The following NRG3 variants were observed in gnomAD, a reference collection of about 807,000 sequenced individuals.
The protein encoded by NRG3 is neuregulin 3, also known as pro-neuregulin-3, membrane-bound isoform.
NRG3 carries 31 observed loss-of-function variants against 66.9 expected under a neutral mutation model. That is an observed-to-expected ratio of 0.46 (90% confidence interval 0.35 to 0.63). The LOEUF is 0.63. Ranked by LOEUF, NRG3 falls within the 20% of genes least tolerant of loss-of-function variation. NRG3 has a pLI of 0.00. For synonymous variants in NRG3, 393 were observed against 359.4 expected (o/e 1.09, Z -1.06); for missense variants, 910 against 878.9 (o/e 1.04, Z -0.45).
intron 1 of NRG3, among the ~76,000 whole-genome samples, chr10:82,286,820 T>C (rs1180140179): frequency 6.6e-6 from 1 of 152,148 alleles, no homozygotes; most frequent in African/African-American, 2.4e-5. Context: ...ACTCCTGACC[T>C]CGTGATCTGC....
intron 2 of NRG3, among the ~76,000 whole-genome samples, chr10:82,638,809 G>A (rs2050371844): frequency 6.6e-6 from 1 of 152,106 alleles, no homozygotes; most frequent in African/African-American, 2.4e-5. Flanking sequence ...ACCATGCCCA[G>A]CTAATTTGTG....
At chr10:82,851,426 A>G (rs761912208) in intron 3 of NRG3, among the ~76,000 whole-genome samples, 1 of 152,152 alleles carries the variant, frequency 6.6e-6, no homozygotes, top group Non-Finnish European at 1.5e-5. Flanking sequence ...AGCAGCATGC[A>G]TATTTATTGC....
chr10:82,213,555 T>G (rs977931967), intron 1 of NRG3, among the ~76,000 whole-genome samples: 4 of 152,186 alleles, frequency 2.6e-5, no homozygotes, highest in African/African-American at 9.6e-5. Flanking sequence ...ACACTTGTAC[T>G]CTGAAGCATG....
chr10:82,964,913 G>A (rs953863177), intron 6 of NRG3, among the ~76,000 whole-genome samples: 3 of 152,206 alleles, frequency 2.0e-5, no homozygotes, highest in Admixed American at 6.5e-5. Context: ...GCCAACATGC[G>A]CCTGCTTCAT....
In NRG3 at chr10:82,245,435, T is replaced by G. The variant is rs1289613958; in HGVS notation, c.824-113304T>G. 2.6e-5 allele frequency among the ~76,000 whole-genome samples: 4 copies of G among 152,222 alleles called. No homozygotes were observed. The East Asian group carries it at 7.7e-4, about 29-fold the overall frequency. ...CTAACAGGCCAAAGACCAATACAGG[T>G]CCATGGCCCAAGGGTTAGGGACCCC... On this transcript the variant is annotated intron_variant, in intron 1 of 8. Coordinates refer to ENST00000372141, the MANE Select transcript of NRG3 (RefSeq NM_001010848.4).
chr10:82,617,232 C>T (rs1442767648), intron 2 of NRG3, among the ~76,000 whole-genome samples: 1 of 151,294 alleles, frequency 6.6e-6, no homozygotes. Context: ...ACACACCACA[C>T]ACACACACCA....
At chr10:82,140,621 ACTT>A (rs2069698328) in intron 1 of NRG3, among the ~76,000 whole-genome samples, 2 of 152,086 alleles carry the variant, frequency 1.3e-5, no homozygotes, top group South Asian at 4.1e-4. Flanking sequence ...AGTCCCAGGT[ACTT>A]AGGAGGGTAA....
chr10:82,358,360 T>C (rs1360009784), intron 1 of NRG3, among the ~76,000 whole-genome samples: 6 of 152,232 alleles, frequency 3.9e-5, no homozygotes, highest in Admixed American at 3.9e-4. Flanking sequence ...TGTTTAATTA[T>C]ATTTGGCAGC....
chr10:82,418,780 T>C (rs998245686), intron 2 of NRG3, among the ~76,000 whole-genome samples: 4 of 152,012 alleles, frequency 2.6e-5, no homozygotes, highest in African/African-American at 9.7e-5. Context: ...TTTCTTTTTT[T>C]TTTGGAGACA....
chr10:82,947,479 A>G (rs1304891477), intron 4 of NRG3, among the ~76,000 whole-genome samples: 1 of 152,100 alleles, frequency 6.6e-6, no homozygotes, highest in African/African-American at 2.4e-5. Context: ...GCGAGATCAT[A>G]AAGTAGGTAT....
chr10:81,887,447 T>C (rs183629895), intron 1 of NRG3, among the ~76,000 whole-genome samples: 1 of 152,276 alleles, frequency 6.6e-6, no homozygotes, highest in East Asian at 1.9e-4. Flanking sequence ...ATCTGATCTA[T>C]TCCAAGGATC....
intron 1 of NRG3, among the ~76,000 whole-genome samples, chr10:82,051,358 G>A (rs1005368005): frequency 6.6e-6 from 1 of 152,012 alleles, no homozygotes; most frequent in African/African-American, 2.4e-5. Flanking sequence ...GACCTCCATG[G>A]GCCTTCACTC....
At chr10:82,647,079 G>A (rs2050998398) in intron 2 of NRG3, among the ~76,000 whole-genome samples, 1 of 150,646 alleles carries the variant, frequency 6.6e-6, no homozygotes, top group African/African-American at 2.4e-5. Context: ...ATGTATACAT[G>A]TGCCATGCTG....
At chr10:82,099,619 C>T (rs11192502) in intron 1 of NRG3, among the ~76,000 whole-genome samples, 12,541 of 152,088 alleles carry the variant, frequency 0.082, 607 homozygotes, top group Non-Finnish European at 0.11. Flanking sequence ...TCTACTGGTA[C>T]CTTGAGGTAT....
In NRG3 at chr10:81,928,947, A is replaced by G. The variant is rs370608238; in HGVS notation, c.823+52784A>G. ...AGTGATCCTCCCACCTGAGCCTTCC[A>G]AGTAGCTGGGGCCACAGTCACACAC... is the stretch of plus-strand genomic sequence containing the variant. On this transcript the variant is annotated intron_variant, in intron 1 of 8. Coordinates refer to ENST00000372141, the MANE Select transcript of NRG3 (RefSeq NM_001010848.4). Among the ~76,000 whole-genome samples the G allele has an allele frequency of 2.6e-5, 4 of 152,242 alleles. No homozygotes were observed. In the East Asian group the frequency reaches 5.8e-4, roughly 22 times the overall value.
chr10:82,584,260 A>G (rs2133243026), intron 2 of NRG3, among the ~76,000 whole-genome samples: 1 of 151,936 alleles, frequency 6.6e-6, no homozygotes, highest in African/African-American at 2.4e-5. Flanking sequence ...CCAATTTTGT[A>G]TTTTTAGTAG....
chr10:82,315,909 A>G (rs2081268957), intron 1 of NRG3, among the ~76,000 whole-genome samples: 1 of 151,992 alleles, frequency 6.6e-6, no homozygotes, highest in Admixed American at 6.6e-5. Context: ...AGCCTCCCAA[A>G]GTACTGGGAT....
intron 1 of NRG3, among the ~76,000 whole-genome samples, chr10:82,321,286 A>G (rs1186344946): frequency 7.5e-6 from 1 of 134,086 alleles, no homozygotes; most frequent in Non-Finnish European, 1.5e-5. Flanking sequence ...CCTGTCACAC[A>G]TCCTGTGGCA....
intron 1 of NRG3, among the ~76,000 whole-genome samples, chr10:82,196,104 C>T (rs2074433381): frequency 1.3e-5 from 2 of 152,102 alleles, no homozygotes; most frequent in South Asian, 2.1e-4. Flanking sequence ...TACCTCTGTG[C>T]CTGAATCTGA....
Sources: gnomAD v4.1 joint callset for allele counts (sites outside exome capture counted in the v4.1 genomes callset) on GRCh38, gnomAD v4.1.1 for gene constraint, MANE v1.5 for transcripts, NCBI Gene and HGNC (gene_info 2026-07-23, HGNC 2026-07-21) for gene names.